IQSEC2: variants seen among roughly 807,000 people sequenced by gnomAD.
IQSEC2 encodes the protein IQ motif and SEC7 domain-containing protein 2.
Under a neutral mutation model 74.6 loss-of-function variants are expected in IQSEC2, and 6 were observed. The ratio of observed to expected loss-of-function variants is 0.08; its 90% CI spans 0.04 to 0.16. IQSEC2 has a LOEUF of 0.16. Among genes scored for constraint, IQSEC2 ranks in the 10% least tolerant of loss-of-function variants. The pLI, the probability that IQSEC2 is intolerant of heterozygous loss-of-function variation, is 1.00. For synonymous variants in IQSEC2, 494 were observed against 544.5 expected, an observed-to-expected ratio of 0.91 and a Z score of 1.29; for missense variants, 734 against 1,306.2, an observed-to-expected ratio of 0.56 and a Z score of 6.75.
intron 10 of IQSEC2, chrX:53,239,574 A>C: frequency 3.3e-6 from 1 of 304,620 alleles, no homozygotes; most frequent in Non-Finnish European, 5.9e-6. Context: ...CTGCTCCAAC[A>C]TCCCACAGAG....
chrX:53,246,982 G>C lies in IQSEC2; in HGVS notation c.2736C>G (p.Ile912Met). Residue 912 changes from isoleucine to methionine, a missense_variant, in exon 8 of 15, where the codon ATC (isoleucine) becomes ATG (methionine). By Grantham distance (10) the Ile-to-Met change is conservative (BLOSUM62 1). Around this residue, in one of 12 missense-constraint regions of IQSEC2, gnomAD observed 249 missense variants for 467.9 expected, o/e 0.53. Transcript: ENST00000642864. ...CAGGGAAGTCACCTCTCAGGTTCTT[G>C]ATGAAGTCATCTAGTTTCATCTTTC... ...AERKMKLDDF[I>M]KNLRGVDNGE... 1 of 1,211,055 alleles carries C rather than the reference G, an allele frequency of 8.3e-7. No individual in the cohort carries two copies. Among genetic ancestry groups the C allele is most frequent in the Non-Finnish European group, 1.1e-6 (1 of 894,955 alleles).
intron 1 of IQSEC2, among the ~76,000 whole-genome samples, chrX:53,307,154 C>T (rs1458944686): frequency 2.7e-5 from 3 of 109,750 alleles, no homozygotes; most frequent in Admixed American, 2.0e-4. Flanking sequence ...TTCATTCTGG[C>T]CTTTGGGGAT....
chrX:53,265,944 T>C (rs1203531138), intron 2 of IQSEC2, among the ~76,000 whole-genome samples: 1 of 112,664 alleles, frequency 8.9e-6, no homozygotes, highest in Non-Finnish European at 1.9e-5. Flanking sequence ...CACTGCATTG[T>C]AGAAATAGAA....
intron 2 of IQSEC2, among the ~76,000 whole-genome samples, chrX:53,275,980 C>T (rs1311481693): frequency 1.8e-5 from 2 of 110,513 alleles, no homozygotes; most frequent in African/African-American, 3.3e-5. Flanking sequence ...GGATTACAGG[C>T]GTGAGCCACC....
At chrX:53,264,048 C>T in intron 2 of IQSEC2, among the ~76,000 whole-genome samples, 1 of 112,426 alleles carries the variant, frequency 8.9e-6, no homozygotes, top group Non-Finnish European at 1.9e-5. Flanking sequence ...CTAAAGGCCA[C>T]AGCCTCACGT....
chrX:53,295,670 C>T lies in IQSEC2; in HGVS notation c.708-3746G>A, dbSNP rs185345007. ...GATGAGAGAATAAATGGCAGAATAT[C>T]GAAAGTTCCTGAACCTTTTGGGGAC... is the stretch of plus-strand genomic sequence containing the variant. On this transcript the variant is annotated intron_variant, in intron 1 of 14. Coordinates refer to ENST00000642864, the MANE Select transcript of IQSEC2 (RefSeq NM_001111125.3). 2.2e-3 allele frequency among the ~76,000 whole-genome samples: 238 copies of T among 106,182 alleles called. 1 individual carries two copies. The highest frequency in any genetic ancestry group is 7.6e-3 in the African/African-American group (219 of 28,980). 92.2% of individuals were successfully genotyped at this position (106,182 alleles called of 115,157 possible). A position where few individuals can be genotyped will look rare whatever the true frequency, so the allele number is the denominator to read the frequency against.
At chrX:53,229,569 G>A (rs1166162666), downstream of IQSEC2, 1 of 110,598 alleles carries the variant, frequency 9.0e-6, no homozygotes, top group African/African-American at 3.3e-5. Flanking sequence ...GGGCATGGTG[G>A]TGTGTGGCTG....
chrX:53,282,939 G>T (rs1368213066), intron 2 of IQSEC2, among the ~76,000 whole-genome samples: 1 of 112,044 alleles, frequency 8.9e-6, no homozygotes, highest in Non-Finnish European at 1.9e-5. Flanking sequence ...GCTCACGCCT[G>T]TAATCCCAGC....
intron 2 of IQSEC2, among the ~76,000 whole-genome samples, chrX:53,288,580 G>A (rs1421826651): frequency 1.8e-5 from 2 of 112,026 alleles, no homozygotes; most frequent in Non-Finnish European, 3.8e-5. Flanking sequence ...CTGTTTTCAA[G>A]TTCTACACTT....
chrX:53,321,346 C>A lies in IQSEC2; in HGVS notation c.-223G>T. 4.5e-6 allele frequency: 1 copy of A among 220,401 alleles called. No homozygotes were observed. Among genetic ancestry groups the A allele is most frequent in the Non-Finnish European group, 8.0e-6 (1 of 124,991 alleles). 18.2% of individuals were successfully genotyped at this position (220,401 alleles called of 1,213,427 possible). On this transcript the variant is annotated 5_prime_UTR_variant, in exon 1 of 15. Coordinates refer to ENST00000642864, the MANE Select transcript of IQSEC2 (RefSeq NM_001111125.3). ...GCCGCCGCCACCACCACCACCACAG[C>A]CACTGCTCGGGAGGACGCGGCCCAC...
At chrX:53,307,149 T>G (rs1556876828) in intron 1 of IQSEC2, among the ~76,000 whole-genome samples, 1 of 109,962 alleles carries the variant, frequency 9.1e-6, no homozygotes, top group Admixed American at 9.8e-5. Flanking sequence ...TGCTATTCAT[T>G]CTGGCCTTTG....
At chrX:53,277,454 C>T (rs782754394) in intron 2 of IQSEC2, among the ~76,000 whole-genome samples, 241 of 109,884 alleles carry the variant, frequency 2.2e-3, no homozygotes, top group Admixed American at 3.5e-3. Context: ...TGCCTGACCT[C>T]GTGATCCACC....
At chrX:53,293,647 C>T (rs1406521071) in intron 1 of IQSEC2, among the ~76,000 whole-genome samples, 2 of 110,969 alleles carry the variant, frequency 1.8e-5, no homozygotes, top group African/African-American at 6.6e-5. Flanking sequence ...CTAGGCAGAC[C>T]GATCTCTTCA....
At chrX:53,312,398 A>G (rs1556878226) in intron 1 of IQSEC2, among the ~76,000 whole-genome samples, 2 of 111,496 alleles carry the variant, frequency 1.8e-5, no homozygotes, top group African/African-American at 3.3e-5. Flanking sequence ...TCTCCACCCA[A>G]TTATGAGCAC....
At chrX:53,280,347 G>A (rs2074933533) in intron 2 of IQSEC2, among the ~76,000 whole-genome samples, 2 of 111,398 alleles carry the variant, frequency 1.8e-5, no homozygotes, top group African/African-American at 6.5e-5. Flanking sequence ...ACTGAAGGAA[G>A]AGAGGGAGAG....
At chrX:53,237,028 T>C (rs782789551) in intron 12 of IQSEC2, among the ~76,000 whole-genome samples, 8 of 112,016 alleles carry the variant, frequency 7.1e-5, no homozygotes, top group Non-Finnish European at 1.5e-4. Flanking sequence ...CCTCTTATTA[T>C]GTGCCAGGCA....
chrX:53,321,227 G>A lies in IQSEC2; in HGVS notation c.-104C>T. On this transcript the variant is annotated 5_prime_UTR_variant, in exon 1 of 15. Transcript: ENST00000642864. ...AGCCGGGGGAGGGGGCCGGCGGGAC[G>A]CGAGGGCGCGCACCGGGCTTGAGGG... 2.2e-6 allele frequency: 1 copy of A among 460,072 alleles called. No individual in the cohort carries two copies. The highest frequency in any genetic ancestry group is 3.5e-6 in the Non-Finnish European group (1 of 289,482). The allele number at this position is 460,072 out of a possible 1,213,427, so 37.9% of individuals were successfully genotyped here.
intron 10 of IQSEC2, 90 bp downstream of exon 10, chrX:53,241,694 C>A: frequency 8.7e-7 from 1 of 1,151,321 alleles, no homozygotes; most frequent in Non-Finnish European, 1.2e-6. Flanking sequence ...ACACTCCACA[C>A]ACCACACACC....
chrX:53,232,111 C>T (rs1036917462), downstream of IQSEC2, among the ~76,000 whole-genome samples: 7 of 111,545 alleles, frequency 6.3e-5, no homozygotes, highest in Non-Finnish European at 9.4e-5. Flanking sequence ...ACGTCCGTTT[C>T]GGAGGGAAGA....
Sources: allele counts gnomAD v4.1 joint callset (sites outside exome capture counted in the v4.1 genomes callset), GRCh38; gene constraint gnomAD v4.1.1; regional missense constraint gnomAD v4.1.1; transcripts MANE v1.5; gene names NCBI Gene and HGNC (gene_info 2026-07-23, HGNC 2026-07-21).